EHMT1: variants seen among roughly 807,000 people sequenced by gnomAD.
EHMT1 encodes histone-lysine N-methyltransferase EHMT1.
Under a neutral mutation model 147.2 loss-of-function variants are expected in EHMT1, and 15 were observed. The observed-to-expected ratio is 0.10, with a 90% CI of 0.07 to 0.16. The LOEUF is 0.16. Among genes scored for constraint, EHMT1 ranks in the 10% least tolerant of loss-of-function variants. The pLI is 1.00. For missense variants in EHMT1, 1,587 were observed against 1,772.4 expected, an observed-to-expected ratio of 0.90 and a Z score of 1.88; for synonymous variants, 795 against 709.6, an observed-to-expected ratio of 1.12 and a Z score of -1.91.
Position 137,731,751 on chromosome 9 carries a change from C to T in EHMT1, c.823+3222C>T, listed in dbSNP as rs772617094. On this transcript the variant is annotated intron_variant, in intron 4 of 26. Transcript: ENST00000460843. The surrounding 1 kb of genome is among the most constrained non-coding windows in gnomAD (Gnocchi z 4.3). ...GCTCATGCTACCGGCCCAGATCCCACACCTTCCGAGGGCAAGCCAGGAGTG... is the reference window on the plus strand; with the variant it reads ...GCTCATGCTACCGGCCCAGATCCCATACCTTCCGAGGGCAAGCCAGGAGTG... 1.2e-4 allele frequency among the ~76,000 whole-genome samples: 18 copies of T among 152,146 alleles called. No individual in the cohort carries two copies. The highest frequency in any genetic ancestry group is 2.1e-4 in the Non-Finnish European group (14 of 68,026).
chr9:137,752,241 G>T lies in EHMT1; in HGVS notation c.1171-90G>T, dbSNP rs1685584178. ...GTGTGCGGCCAGTGCCCGTTTCGAG[G>T]TTTGCTTTGGATCCGTCATCTGCCA... On this transcript the variant is annotated intron_variant, in intron 6 of 26. Transcript: ENST00000460843. The T allele has an allele frequency of 2.0e-6, 3 of 1,482,102 alleles. No homozygotes were observed. In the South Asian group the frequency reaches 3.6e-5, roughly 18 times the overall value. The allele number at this position is 1,482,102 out of a possible 1,614,324, so 91.8% of individuals were successfully genotyped here.
chr9:137,743,208 C>T, intron 4 of EHMT1, 163 bp from the exon 5 acceptor site: 1 of 725,176 alleles, frequency 1.4e-6, no homozygotes, highest in Non-Finnish European at 2.2e-6. Context: ...GGAAGGATGC[C>T]TGTCACTGTG....
chr9:137,640,253 A>G (rs1375820843), intron 1 of EHMT1, among the ~76,000 whole-genome samples: 1 of 151,732 alleles, frequency 6.6e-6, no homozygotes, highest in African/African-American at 2.4e-5. Context: ...TATTTTTTAA[A>G]GCTTTTAATT....
chr9:137,692,822 A>G (rs1034875599), intron 1 of EHMT1, among the ~76,000 whole-genome samples: 3 of 152,082 alleles, frequency 2.0e-5, no homozygotes, highest in Non-Finnish European at 2.9e-5. Context: ...TGGGTGTGGG[A>G]GCACCAAGGA....
At chr9:137,773,522 A>C (rs1457306582) in intron 10 of EHMT1, among the ~76,000 whole-genome samples, 6 of 152,136 alleles carry the variant, frequency 3.9e-5, no homozygotes, top group Non-Finnish European at 8.8e-5. Context: ...CCCTGCAGCC[A>C]CTCTTCTGCA....
intron 2 of EHMT1, chr9:137,715,663 A>G (rs1945145772): frequency 2.0e-6 from 2 of 985,272 alleles, no homozygotes; most frequent in Middle Eastern, 5.2e-4. Flanking sequence ...GTGATGTAAA[A>G]TAGTGTCTCC....
At chr9:137,634,343 C>T (rs1402853225) in intron 1 of EHMT1, among the ~76,000 whole-genome samples, 1 of 152,112 alleles carries the variant, frequency 6.6e-6, no homozygotes, top group Non-Finnish European at 1.5e-5. Flanking sequence ...AGGTAGGATC[C>T]AGGCTTCATT....
At chr9:137,635,674 G>GC (rs1564525829) in intron 1 of EHMT1, among the ~76,000 whole-genome samples, 2 of 150,916 alleles carry the variant, frequency 1.3e-5, no homozygotes, top group South Asian at 2.1e-4. Context: ...CAAAAAATTA[G>GC]TGGGACGTGG....
chr9:137,622,402 G>C (rs1842991659), intron 1 of EHMT1, among the ~76,000 whole-genome samples: 1 of 152,076 alleles, frequency 6.6e-6, no homozygotes, highest in Non-Finnish European at 1.5e-5. Flanking sequence ...TTACAGGCGT[G>C]AGCCACCGCC....
chr9:137,697,950 C>T (rs1019534804), intron 1 of EHMT1, among the ~76,000 whole-genome samples: 4 of 151,248 alleles, frequency 2.6e-5, no homozygotes, highest in Non-Finnish European at 1.5e-5. Context: ...CGTGTGAGGG[C>T]GGCGTGGCTC....
chr9:137,663,658 T>C (rs1467428207), intron 1 of EHMT1, among the ~76,000 whole-genome samples: 1 of 152,258 alleles, frequency 6.6e-6, no homozygotes, highest in Non-Finnish European at 1.5e-5. Context: ...CTTTCTGTTC[T>C]CTTACACGAG....
intron 18 of EHMT1, among the ~76,000 whole-genome samples, chr9:137,809,465 C>G (rs963496725): frequency 2.0e-5 from 3 of 152,112 alleles, no homozygotes; most frequent in Non-Finnish European, 4.4e-5. Context: ...GCAGAGCCTG[C>G]GGGGTGGAGA....
At chr9:137,620,884 G>T (rs1842911163) in intron 1 of EHMT1, among the ~76,000 whole-genome samples, 1 of 152,216 alleles carries the variant, frequency 6.6e-6, no homozygotes, top group African/African-American at 2.4e-5. Flanking sequence ...ATGACAGCCT[G>T]TGTTGACTGA....
At chr9:137,704,352 C>T (rs1210798279) in intron 1 of EHMT1, among the ~76,000 whole-genome samples, 1 of 152,166 alleles carries the variant, frequency 6.6e-6, no homozygotes, top group Non-Finnish European at 1.5e-5. Flanking sequence ...GACTGGGCCA[C>T]TTTGTTCTCA....
intron 1 of EHMT1, among the ~76,000 whole-genome samples, chr9:137,697,712 C>A (rs1452621930): frequency 6.6e-6 from 1 of 152,012 alleles, no homozygotes; most frequent in Non-Finnish European, 1.5e-5. Context: ...TAAAATAAAG[C>A]CAAATTACAA....
chr9:137,713,283 T>TC (rs1479093791), intron 2 of EHMT1, among the ~76,000 whole-genome samples: 9 of 138,694 alleles, frequency 6.5e-5, no homozygotes, highest in Admixed American at 6.3e-4. Context: ...TTTTTTTTTT[T>TC]TTTTGAGATG....
chr9:137,791,895 C>G (rs2137128701), intron 16 of EHMT1, among the ~76,000 whole-genome samples: 1 of 152,242 alleles, frequency 6.6e-6, no homozygotes, highest in East Asian at 1.9e-4. Flanking sequence ...CCATGCCTGG[C>G]TAATTTTTGG....
intron 1 of EHMT1, among the ~76,000 whole-genome samples, chr9:137,655,355 G>T (rs144886753): frequency 6.0e-4 from 92 of 152,154 alleles, no homozygotes; most frequent in Non-Finnish European, 9.1e-4. Context: ...AACCTCACTG[G>T]TAGAGGCTGC....
At chr9:137,816,106 T>C in intron 23 of EHMT1, 44 bp downstream of exon 23, 1 of 1,511,648 alleles carries the variant, frequency 6.6e-7, no homozygotes, top group Non-Finnish European at 9.1e-7. Flanking sequence ...CTGCTCGTAT[T>C]AGCACGTATT....
Sources: gnomAD v4.1 joint callset for allele counts (sites outside exome capture counted in the v4.1 genomes callset) on GRCh38, gnomAD v4.1.1 for gene constraint, Gnocchi (gnomAD v3.1) non-coding constraint, MANE v1.5 for transcripts, NCBI Gene and HGNC (gene_info 2026-07-23, HGNC 2026-07-21) for gene names.